TIMM23: variants seen among roughly 807,000 people sequenced by gnomAD.
The protein encoded by TIMM23 is translocase of inner mitochondrial membrane 23, also known as mitochondrial import inner membrane translocase subunit Tim23.
Under a neutral mutation model 30.7 loss-of-function variants are expected in TIMM23, and 19 were observed. That is an observed-to-expected ratio of 0.62 (90% CI 0.43 to 0.91). The LOEUF (loss-of-function observed/expected upper bound fraction) is 0.91. Ranked by LOEUF, TIMM23 falls within the 40% of genes least tolerant of loss-of-function variation. The pLI is 0.00. For missense variants in TIMM23, 202 were observed against 269.2 expected (o/e 0.75, Z 1.75); for synonymous variants, 78 against 98.5 (o/e 0.79, Z 1.23).
At chr10:45,976,756 A>G (rs1837685520) in intron 2 of TIMM23, among the ~76,000 whole-genome samples, 1 of 152,106 alleles carries the variant, frequency 6.6e-6, no homozygotes, top group South Asian at 2.1e-4. Flanking sequence ...ATTTACTCTC[A>G]TTTATATTCA....
At chr10:45,990,207 C>T (rs1838119453) in intron 6 of TIMM23, among the ~76,000 whole-genome samples, 1 of 150,298 alleles carries the variant, frequency 6.7e-6, no homozygotes, top group Admixed American at 6.6e-5. Flanking sequence ...ACTGCAACCT[C>T]CACCTCCTGG....
chr10:45,987,751 T>C (rs1315088448), intron 5 of TIMM23, among the ~76,000 whole-genome samples: 3 of 150,624 alleles, frequency 2.0e-5, no homozygotes, highest in Non-Finnish European at 4.4e-5. Flanking sequence ...GAGCTGGGAC[T>C]ACAGGCAACA....
chr10:45,994,196 G>C (rs1167781106), intron 6 of TIMM23, among the ~76,000 whole-genome samples: 1 of 151,888 alleles, frequency 6.6e-6, no homozygotes, highest in South Asian at 2.1e-4. Flanking sequence ...AAAACCAGCC[G>C]GGCATGATAG....
chr10:45,997,170 C>T (rs1233983162), intron 6 of TIMM23, among the ~76,000 whole-genome samples: 2 of 151,746 alleles, frequency 1.3e-5, no homozygotes, highest in Admixed American at 6.6e-5. Flanking sequence ...TGCAGTGAGC[C>T]GTGATCATGC....
rs1191317543 is a variant in TIMM23 at position 45,991,506 on chromosome 10, C to T, written c.514+2659C>T. On this transcript the variant is annotated intron_variant, in intron 6 of 6. Coordinates refer to ENST00000580018, the MANE Select transcript of TIMM23 (RefSeq NM_006327.4). Reference sequence around the variant, plus strand: ...GTGGCTCATGCCTGTAATCCCAGCACTTTGGGAGGCTGAGGCGGGTGGATC... The same window carrying T: ...GTGGCTCATGCCTGTAATCCCAGCATTTTGGGAGGCTGAGGCGGGTGGATC... 6.1e-3 allele frequency among the ~76,000 whole-genome samples: 928 copies of T among 152,246 alleles called. 4 individuals carry two copies. The highest frequency in any genetic ancestry group is 0.021 in the African/African-American group (891 of 41,558).
chr10:45,988,179 A>G (rs1838052530), intron 5 of TIMM23, among the ~76,000 whole-genome samples: 1 of 152,218 alleles, frequency 6.6e-6, no homozygotes, highest in Non-Finnish European at 1.5e-5. Context: ...ACAACCTTAT[A>G]GAACTGTGAT....
In TIMM23 at chr10:46,003,413, TTA is replaced by T; in HGVS notation, c.*96_*97del. 1.1e-6 allele frequency: 1 copy of T among 890,516 alleles called. No homozygotes were observed. The highest frequency in any genetic ancestry group is 1.7e-6 in the Non-Finnish European group (1 of 575,092). The allele number at this position is 890,516 out of a possible 1,614,324, so 55.2% of individuals were successfully genotyped here. ...GTTATTCTCTCTCTTCTACCTACAA[TTA>T]GTTTGAAAAATTGGAGATTTTGATT... On this transcript the variant is annotated 3_prime_UTR_variant, in exon 7 of 7. Coordinates refer to ENST00000580018, the MANE Select transcript of TIMM23 (RefSeq NM_006327.4).
intron 6 of TIMM23, among the ~76,000 whole-genome samples, chr10:46,000,465 C>G (rs548943843): frequency 6.6e-6 from 1 of 152,326 alleles, no homozygotes; most frequent in African/African-American, 2.4e-5. Context: ...AGCAGTCCGC[C>G]CACCTTGGCC....
Position 45,972,592 on chromosome 10 carries a change from A to G in TIMM23, c.-33A>G. ...CCAGCGGACCACCCAGGCTTGAGGC[A>G]GCGGCGGGAACCACTCGGTTTGCTG... On this transcript the variant is annotated 5_prime_UTR_variant, in exon 1 of 7. Transcript: ENST00000580018. 2 of 1,588,246 alleles carry G rather than the reference A, an allele frequency of 1.3e-6. No homozygotes were observed. The highest frequency in any genetic ancestry group is 1.1e-5 in the South Asian group (1 of 90,134).
intron 5 of TIMM23, among the ~76,000 whole-genome samples, chr10:45,987,645 C>G (rs1284861927): frequency 2.8e-5 from 3 of 108,350 alleles, no homozygotes; most frequent in Non-Finnish European, 5.3e-5. Context: ...TTTTTTGAGA[C>G]AGGGTCTTGC....
At chr10:45,990,574 C>A in intron 6 of TIMM23, 1 of 340,514 alleles carries the variant, frequency 2.9e-6, no homozygotes, top group South Asian at 2.4e-5. Context: ...CACGCCTCCA[C>A]ACCCAGCTAA....
chr10:45,978,600 T>C (rs1206035578), intron 2 of TIMM23, among the ~76,000 whole-genome samples: 1 of 152,218 alleles, frequency 6.6e-6, no homozygotes, highest in African/African-American at 2.4e-5. Context: ...GATACCTCTT[T>C]ACACCCACGG....
At chr10:45,986,445 A>G (rs1456557115) in intron 5 of TIMM23, among the ~76,000 whole-genome samples, 1 of 146,474 alleles carries the variant, frequency 6.8e-6, no homozygotes, top group Non-Finnish European at 1.5e-5. Context: ...GTCCTGGACA[A>G]ACTAGAATGG....
intron 6 of TIMM23, among the ~76,000 whole-genome samples, chr10:45,992,831 C>T (rs1394439106): frequency 6.6e-6 from 1 of 152,210 alleles, no homozygotes; most frequent in Non-Finnish European, 1.5e-5. Flanking sequence ...GCTGGGATTA[C>T]AGGCATGAAC....
At chr10:45,999,014 A>T (rs1397552789) in intron 6 of TIMM23, among the ~76,000 whole-genome samples, 1 of 151,798 alleles carries the variant, frequency 6.6e-6, no homozygotes, top group Non-Finnish European at 1.5e-5. Context: ...TGTATATTTA[A>T]TAGAGATGGG....
rs386371331 is a variant in TIMM23, at chr10:46,002,810, A to ATTTTTTT, written c.515-375_515-369dup. ...TAAAATGGTCTCTCCATTTCATAGT[A>ATTTTTTT]TTTTTTTTTTTTTTTTTTTTTTTTG... On this transcript the variant is annotated intron_variant, in intron 6 of 6. Transcript: ENST00000580018. 1.4e-3 allele frequency among the ~76,000 whole-genome samples: 134 copies of ATTTTTTT among 95,068 alleles called. 4 individuals carry two copies. Among genetic ancestry groups the ATTTTTTT allele is most frequent in the African/African-American group, 1.8e-3 (42 of 23,338 alleles). The allele number at this position is 95,068 out of a possible 152,430, so 62.4% of individuals were successfully genotyped here. A position where few individuals can be genotyped will look rare whatever the true frequency, so the allele number is the denominator to read the frequency against.
intron 6 of TIMM23, among the ~76,000 whole-genome samples, chr10:45,994,949 C>T (rs1389217942): frequency 6.6e-6 from 1 of 151,996 alleles, no homozygotes; most frequent in Non-Finnish European, 1.5e-5. Context: ...GCCCTGTCTT[C>T]CTGGGTCTGT....
intron 6 of TIMM23, among the ~76,000 whole-genome samples, chr10:46,000,154 C>A (rs1426612216): frequency 6.6e-6 from 1 of 152,160 alleles, no homozygotes; most frequent in Non-Finnish European, 1.5e-5. Context: ...CATACATCTT[C>A]CTCAGCTGAC....
rs1837964566 is a variant in TIMM23 at position 45,985,426 on chromosome 10, A to G, written c.388A>G (p.Thr130Ala). Residue 130 changes from threonine (T) to alanine (A), a missense_variant, in exon 5 of 7, where the codon ACT becomes GCT. Coordinates refer to ENST00000580018, the MANE Select transcript of TIMM23 (RefSeq NM_006327.4). ...VTRQGALWAN[T>A]LGSLALLYSA... ...TAGGCAAGGGGCACTTTGGGCTAATACTCTAGGTTCTCTGGGTAAGTAGAG... is the reference window on the plus strand; with the variant it reads ...TAGGCAAGGGGCACTTTGGGCTAATGCTCTAGGTTCTCTGGGTAAGTAGAG... 1.2e-6 allele frequency: 2 copies of G among 1,613,340 alleles called. No individual in the cohort carries two copies. The highest frequency in any genetic ancestry group is 8.5e-7 in the Non-Finnish European group (1 of 1,179,564).
Sources: gnomAD v4.1 joint callset for allele counts (sites outside exome capture counted in the v4.1 genomes callset) on GRCh38, gnomAD v4.1.1 for gene constraint, MANE v1.5 for transcripts, NCBI Gene and HGNC (gene_info 2026-07-23, HGNC 2026-07-21) for gene names.